Variants in GRIA3 observed in about 807,000 individuals in gnomAD.
The protein encoded by GRIA3 is glutamate receptor 3.
In GRIA3, 3 loss-of-function variants were observed where a neutral mutation model predicts 63.0. The ratio of observed to expected loss-of-function variants is 0.05; its 90% CI spans 0.02 to 0.12. GRIA3 has a LOEUF of 0.12. Among genes scored for constraint, GRIA3 ranks in the 10% least tolerant of loss-of-function variants. The pLI is 1.00. For synonymous variants in GRIA3, 274 were observed against 257.9 expected (o/e 1.06, Z -0.60); for missense variants, 347 against 700.9 (o/e 0.50, Z 5.70).
intron 6 of GRIA3, among the ~76,000 whole-genome samples, chrX:123,397,413 G>A (rs2045420706): frequency 8.9e-6 from 1 of 111,805 alleles, no homozygotes; most frequent in Non-Finnish European, 1.9e-5. Flanking sequence ...CTCACCCATT[G>A]GTAAGTAGAA....
At position 123,394,113 on chromosome X, in the gene GRIA3, GCA is replaced by G. The variant is rs1234878381; in HGVS notation, c.751-853_751-852del. Among the ~76,000 whole-genome samples, 3 of 112,369 alleles carry G rather than the reference GCA, an allele frequency of 2.7e-5. No homozygotes were observed. In the East Asian group the frequency reaches 8.4e-4, roughly 31 times the overall value. Reference sequence around the variant, plus strand: ...GCAGTGGCTCATGCCTGTAATCCCAGCACTTTGGGAGGCCGAGGCAGGCAGAT... The same window carrying G: ...GCAGTGGCTCATGCCTGTAATCCCAGCTTTGGGAGGCCGAGGCAGGCAGAT... On this transcript the variant is annotated intron_variant, in intron 5 of 15. Transcript: ENST00000620443.
chrX:123,355,091 A>C lies in GRIA3; in HGVS notation c.750+128A>C, dbSNP rs2045124287. ...GAAACTTGGAGAAATGACTTCGGTAAATACCAAAACCTGAATGCAATAGCC... is the reference window on the plus strand; with the variant it reads ...GAAACTTGGAGAAATGACTTCGGTACATACCAAAACCTGAATGCAATAGCC... On this transcript the variant is annotated intron_variant, in intron 5 of 15. Coordinates refer to ENST00000620443, the MANE Select transcript of GRIA3 (RefSeq NM_007325.5). 3 of 554,837 alleles carry C rather than the reference A, an allele frequency of 5.4e-6. No homozygotes were observed. In the South Asian group the frequency reaches 7.4e-5, roughly 14 times the overall value. The allele number at this position is 554,837 out of a possible 1,213,427, so 45.7% of individuals were successfully genotyped here.
intron 2 of GRIA3, among the ~76,000 whole-genome samples, chrX:123,207,386 A>G (rs769150988): frequency 9.0e-6 from 1 of 111,654 alleles, no homozygotes; most frequent in African/African-American, 3.3e-5. Flanking sequence ...ACTTAGGTCT[A>G]TTTCACAGAT....
intron 12 of GRIA3, among the ~76,000 whole-genome samples, chrX:123,435,050 G>A (rs1169331672): frequency 8.9e-6 from 1 of 112,070 alleles, no homozygotes; most frequent in Non-Finnish European, 1.9e-5. Context: ...CAAATTACCT[G>A]AAAATACCTA....
intron 13 of GRIA3, among the ~76,000 whole-genome samples, chrX:123,476,924 C>T (rs776854341): frequency 2.7e-5 from 3 of 111,578 alleles, no homozygotes; most frequent in Non-Finnish European, 5.7e-5. Context: ...GACAAAATGG[C>T]CTCTGGTTGA....
chrX:123,368,137 G>A (rs758249801), intron 5 of GRIA3, among the ~76,000 whole-genome samples: 142 of 111,741 alleles, frequency 1.3e-3, no homozygotes, highest in African/African-American at 4.6e-3. Flanking sequence ...AGTAATTGGA[G>A]TGTGTCTGAT....
At chrX:123,210,963 T>C (rs1928027808) in intron 2 of GRIA3, among the ~76,000 whole-genome samples, 1 of 111,872 alleles carries the variant, frequency 8.9e-6, no homozygotes, top group Non-Finnish European at 1.9e-5. Flanking sequence ...TCCATTTAAT[T>C]TGGATATTTA....
chrX:123,427,025 G>A (rs918002377), intron 11 of GRIA3, among the ~76,000 whole-genome samples: 2 of 111,795 alleles, frequency 1.8e-5, no homozygotes, highest in Non-Finnish European at 3.8e-5. Context: ...TCTGCCCTGA[G>A]TGGTTAAGGC....
intron 3 of GRIA3, among the ~76,000 whole-genome samples, chrX:123,298,581 T>C (rs745661859): frequency 9.1e-6 from 1 of 109,886 alleles, no homozygotes; most frequent in Non-Finnish European, 1.9e-5. Flanking sequence ...ATGGGGTCGT[T>C]TGCTTTTTCT....
At chrX:123,201,697 CAAA>C (rs373746999) in intron 2 of GRIA3, among the ~76,000 whole-genome samples, 2 of 98,849 alleles carry the variant, frequency 2.0e-5, no homozygotes, top group Non-Finnish European at 4.1e-5. Context: ...TGACCTTCAT[CAAA>C]AAAAAAAAAG....
At chrX:123,296,677 T>C (rs2044688438) in intron 3 of GRIA3, among the ~76,000 whole-genome samples, 1 of 111,697 alleles carries the variant, frequency 9.0e-6, no homozygotes, top group Non-Finnish European at 1.9e-5. Context: ...TAAATAATTA[T>C]ACTACTTTCC....
Position 123,483,057 on chromosome X carries a change from G to T in GRIA3, c.*2+11G>T. 1 of 1,182,877 alleles carries T rather than the reference G, an allele frequency of 8.5e-7. No homozygotes were observed. The highest frequency in any genetic ancestry group is 1.8e-5 in the South Asian group (1 of 56,225). On this transcript the variant is annotated intron_variant, in intron 15 of 15. Coordinates refer to ENST00000620443, the MANE Select transcript of GRIA3 (RefSeq NM_007325.5). Reference sequence around the variant, plus strand: ...TGTTAAGATCTAGGGGTACGGTTAAGGTCTAGTAAACTAATCAGCTTTACT... The same window carrying T: ...TGTTAAGATCTAGGGGTACGGTTAATGTCTAGTAAACTAATCAGCTTTACT...
intron 3 of GRIA3, among the ~76,000 whole-genome samples, chrX:123,265,381 C>T (rs367902605): frequency 1.9e-4 from 21 of 111,755 alleles, no homozygotes; most frequent in East Asian, 8.4e-4. Context: ...TTCATTAACA[C>T]GTATTTTATA....
chrX:123,309,770 A>T (rs967143454), intron 3 of GRIA3, among the ~76,000 whole-genome samples: 2 of 112,052 alleles, frequency 1.8e-5, no homozygotes, highest in African/African-American at 6.5e-5. Context: ...GTGGCTGTGT[A>T]GAAACAAGTC....
intron 13 of GRIA3, among the ~76,000 whole-genome samples, chrX:123,478,345 T>C (rs1455319047): frequency 8.9e-6 from 1 of 112,023 alleles, no homozygotes; most frequent in Admixed American, 9.5e-5. Context: ...AAGCAACTGG[T>C]TAGCATTTGA....
At chrX:123,213,088 T>C (rs1484068947) in intron 2 of GRIA3, among the ~76,000 whole-genome samples, 2 of 111,892 alleles carry the variant, frequency 1.8e-5, no homozygotes, top group African/African-American at 6.5e-5. Context: ...CTAGGTTGTG[T>C]GCTCCTTATG....
chrX:123,434,038 G>C (rs760999906), intron 12 of GRIA3, among the ~76,000 whole-genome samples: 2 of 111,921 alleles, frequency 1.8e-5, no homozygotes, highest in Admixed American at 1.9e-4. Flanking sequence ...TTTCAACTGG[G>C]TCTACATTTC....
chrX:123,417,547 A>T lies in GRIA3; in HGVS notation c.1646A>T (p.Asp549Val), dbSNP rs1393672085. The change falls in exon 11 of 16, where the codon GAT (aspartate) becomes GTT (valine). Residue 549 changes from aspartate (D) to valine (V), a missense_variant. Asp to Val is a radical substitution (Grantham distance 152). This residue lies in a region of GRIA3 where 7 missense variants were observed against 72.7 expected (regional missense o/e 0.10). Transcript: ENST00000620443. Reference sequence around the variant, plus strand: ...AAACCAGGCGTATTCTCATTTCTGGATCCCCTGGCTTATGAAATCTGGATG... The same window carrying T: ...AAACCAGGCGTATTCTCATTTCTGGTTCCCCTGGCTTATGAAATCTGGATG... ...KSKPGVFSFLDPLAYEIWMCI... is the reference protein window; with the variant it reads ...KSKPGVFSFLVPLAYEIWMCI... 1 of 1,209,866 alleles carries T rather than the reference A, an allele frequency of 8.3e-7. No individual in the cohort carries two copies.
At chrX:123,389,011 GTAT>G (rs1168268359) in intron 5 of GRIA3, among the ~76,000 whole-genome samples, 2 of 111,690 alleles carry the variant, frequency 1.8e-5, no homozygotes, top group African/African-American at 6.5e-5. Context: ...TAATTTCCAG[GTAT>G]TTGTATAGTT....
Sources: gnomAD v4.1 joint callset for allele counts (sites outside exome capture counted in the v4.1 genomes callset) on GRCh38, gnomAD v4.1.1 for gene constraint, gnomAD v4.1.1 regional missense constraint, MANE v1.5 for transcripts, NCBI Gene and HGNC (gene_info 2026-07-23, HGNC 2026-07-21) for gene names.